The following RYR3 variants were observed in gnomAD, a reference collection of about 807,000 sequenced individuals.
RYR3 encodes ryanodine receptor 3.
A neutral mutation model predicts 584.3 loss-of-function variants in RYR3; 207 were observed. The ratio of observed to expected loss-of-function variants is 0.35; its 90% CI spans 0.32 to 0.40. The LOEUF (loss-of-function observed/expected upper bound fraction) is 0.40. Ranked by LOEUF, RYR3 falls within the 10% of genes least tolerant of loss-of-function variation. The pLI, the probability that RYR3 is intolerant of heterozygous loss-of-function variation, is 1.00. For synonymous variants in RYR3, 2,416 were observed against 2,248.5 expected, an observed-to-expected ratio of 1.07 and a Z score of -2.11; for missense variants, 5,616 against 6,089.2, an observed-to-expected ratio of 0.92 and a Z score of 2.59.
chr15:33,782,628 G>T (rs1367800364), intron 65 of RYR3, among the ~76,000 whole-genome samples: 1 of 152,198 alleles, frequency 6.6e-6, no homozygotes, highest in Non-Finnish European at 1.5e-5. Flanking sequence ...AAAGTGGGTG[G>T]CCTGAGGGAT....
intron 1 of RYR3, among the ~76,000 whole-genome samples, chr15:33,442,656 T>C (rs2046328191): frequency 6.6e-6 from 1 of 152,356 alleles, no homozygotes; most frequent in South Asian, 2.1e-4. Flanking sequence ...AAATGTCACA[T>C]GTTGTTTATA....
intron 21 of RYR3, among the ~76,000 whole-genome samples, chr15:33,628,958 A>G (rs1246912106): frequency 6.6e-6 from 1 of 152,210 alleles, no homozygotes; most frequent in East Asian, 1.9e-4. Context: ...TTCATTAGAA[A>G]TCATTTTTCA....
chr15:33,701,164 GTC>G (rs1445756553), intron 42 of RYR3, 84 bp downstream of exon 42: 1 of 818,810 alleles, frequency 1.2e-6, no homozygotes, highest in Admixed American at 2.1e-5. Flanking sequence ...CACGGATGGA[GTC>G]TCTGTCACTG....
At chr15:33,714,972 C>T (rs2067391881) in intron 43 of RYR3, among the ~76,000 whole-genome samples, 1 of 152,134 alleles carries the variant, frequency 6.6e-6, no homozygotes, top group Non-Finnish European at 1.5e-5. Flanking sequence ...CATTGGCATG[C>T]CAAAATGATG....
At chr15:33,736,175 T>C (rs759993403) in intron 48 of RYR3, 60 bp from the exon 49 acceptor site, 1 of 1,114,978 alleles carries the variant, frequency 9.0e-7, no homozygotes, top group Non-Finnish European at 1.3e-6. Flanking sequence ...GTTTCTTTCA[T>C]TCCTCCTTTA....
intron 32 of RYR3, among the ~76,000 whole-genome samples, chr15:33,655,176 C>G (rs1182172011): frequency 6.6e-6 from 1 of 152,228 alleles, no homozygotes; most frequent in East Asian, 1.9e-4. Context: ...GAAAGATGCA[C>G]TCACAAAGCC....
Position 33,820,743 on chromosome 15 carries a change from C to G in RYR3, c.10759-13C>G. ...TTGTCTGTCTTCTCCCTTCCCTGCT[C>G]CATGAAATCCAGAGTTGTCAAAGTG... On this transcript the variant is annotated splice_polypyrimidine_tract_variant and intron_variant, in intron 77 of 103. Transcript: ENST00000634891. The G allele has an allele frequency of 3.1e-6, 5 of 1,602,014 alleles. No homozygotes were observed. The highest frequency in any genetic ancestry group is 4.3e-6 in the Non-Finnish European group (5 of 1,173,718).
At chr15:33,431,758 G>A (rs1025814094) in intron 1 of RYR3, among the ~76,000 whole-genome samples, 7 of 152,058 alleles carry the variant, frequency 4.6e-5, no homozygotes, top group African/African-American at 1.2e-4. Context: ...AAATGAGGGC[G>A]ACAACAGAGA....
intron 100 of RYR3, among the ~76,000 whole-genome samples, chr15:33,860,267 C>G (rs2080199116): frequency 6.6e-6 from 1 of 152,048 alleles, no homozygotes; most frequent in African/African-American, 2.4e-5. Context: ...GTCAGAGGTG[C>G]TAGGAGAAGA....
At chr15:33,855,540 T>G (rs2079562858) in intron 98 of RYR3, among the ~76,000 whole-genome samples, 1 of 152,132 alleles carries the variant, frequency 6.6e-6, no homozygotes, top group African/African-American at 2.4e-5. Flanking sequence ...CCTCCATGAA[T>G]CTGATATATT....
At chr15:33,367,867 A>T (rs948214746) in intron 1 of RYR3, among the ~76,000 whole-genome samples, 6 of 152,216 alleles carry the variant, frequency 3.9e-5, no homozygotes, top group Non-Finnish European at 1.5e-5. Context: ...TATTTTGCAG[A>T]TATGAAAATT....
intron 100 of RYR3, 85 bp from the exon 101 acceptor site, chr15:33,860,510 C>T (rs757840573): frequency 8.9e-5 from 64 of 718,054 alleles, no homozygotes; most frequent in Admixed American, 6.2e-4. Flanking sequence ...TTTTTTTTAA[C>T]AGAACAAAGT....
chr15:33,314,367 G>A (rs540187945), intron 1 of RYR3, among the ~76,000 whole-genome samples: 1 of 152,268 alleles, frequency 6.6e-6, no homozygotes, highest in East Asian at 1.9e-4. Context: ...CCTGCCAGCC[G>A]CTGATCTGAA....
chr15:33,636,087 C>T (rs1266271895), intron 26 of RYR3, among the ~76,000 whole-genome samples: 1 of 152,158 alleles, frequency 6.6e-6, no homozygotes, highest in Non-Finnish European at 1.5e-5. Context: ...CCAGAGGTGA[C>T]ATAAAGATCA....
At position 33,412,937 on chromosome 15, in the gene RYR3, A is replaced by G. The variant is rs114771767; in HGVS notation, c.52-60482A>G. On this transcript the variant is annotated intron_variant, in intron 1 of 103. Coordinates refer to ENST00000634891, the MANE Select transcript of RYR3 (RefSeq NM_001036.6). The surrounding 1 kb of genome is among the most constrained non-coding windows in gnomAD (Gnocchi z 4.3). ...AAAATTCTGTTCAAGAAACTAGCCTATGTACTCCATCTTTCTCTTTCTGTG... is the reference window on the plus strand; with the variant it reads ...AAAATTCTGTTCAAGAAACTAGCCTGTGTACTCCATCTTTCTCTTTCTGTG... Among the ~76,000 whole-genome samples, 2 of 152,036 alleles carry G rather than the reference A, an allele frequency of 1.3e-5. No individual in the cohort carries two copies. The highest frequency in any genetic ancestry group is 4.1e-4 in the South Asian group (2 of 4,830).
chr15:33,761,350 T>C (rs895014960), intron 60 of RYR3, among the ~76,000 whole-genome samples: 2 of 151,830 alleles, frequency 1.3e-5, no homozygotes, highest in Non-Finnish European at 2.9e-5. Flanking sequence ...AATAGACCAC[T>C]AGCCAGACTA....
chr15:33,696,087 A>T, intron 38 of RYR3, 131 bp from the exon 39 acceptor site: 2 of 788,322 alleles, frequency 2.5e-6, no homozygotes, highest in Non-Finnish European at 4.0e-6. Context: ...GAGCCACTGC[A>T]CATTGCCTAT....
intron 36 of RYR3, among the ~76,000 whole-genome samples, chr15:33,665,542 G>T (rs2063448547): frequency 6.6e-6 from 1 of 152,190 alleles, no homozygotes. Context: ...CAAGACTGGG[G>T]TTGCCCACCC....
At chr15:33,427,186 G>A (rs1361834027) in intron 1 of RYR3, among the ~76,000 whole-genome samples, 2 of 152,164 alleles carry the variant, frequency 1.3e-5, no homozygotes, top group African/African-American at 4.8e-5. Flanking sequence ...AGAAGTGTGT[G>A]GGTATGTGAG....
Sources: allele counts gnomAD v4.1 joint callset (sites outside exome capture counted in the v4.1 genomes callset), GRCh38; gene constraint gnomAD v4.1.1; non-coding constraint Gnocchi (gnomAD v3.1); transcripts MANE v1.5; gene names NCBI Gene and HGNC (gene_info 2026-07-23, HGNC 2026-07-21).